Variants in RAB3GAP1 observed in about 807,000 individuals in gnomAD.
RAB3GAP1 encodes the protein RAB3 GTPase activating protein catalytic subunit 1.
Under a neutral mutation model 130.7 loss-of-function variants are expected in RAB3GAP1, and 86 were observed. The observed-to-expected ratio is 0.66, with a 90% CI of 0.55 to 0.79. The LOEUF is 0.79. Ranked by LOEUF, RAB3GAP1 falls within the 30% of genes least tolerant of loss-of-function variation. The probability of loss-of-function intolerance (pLI) is 0.00; values close to 1 mark genes in which losing one functional copy is unlikely to be tolerated. For synonymous variants in RAB3GAP1, 367 were observed against 401.7 expected, an observed-to-expected ratio of 0.91 and a Z score of 1.03; for missense variants, 1,029 against 1,169.4, an observed-to-expected ratio of 0.88 and a Z score of 1.75.
At chr2:135,054,781 C>T (rs1688966540) in intron 2 of RAB3GAP1, among the ~76,000 whole-genome samples, 1 of 152,148 alleles carries the variant, frequency 6.6e-6, no homozygotes, top group South Asian at 2.1e-4. Flanking sequence ...TAATTATTAA[C>T]ACCGTTATAA....
In RAB3GAP1 at chr2:135,126,177, T is replaced by C; in HGVS notation, c.831-4T>C. ...AGCTTTTGGGTATATTTTATGTTTTTTAGTGAACTCCATTTAGCTACTACA... is the reference window on the plus strand; with the variant it reads ...AGCTTTTGGGTATATTTTATGTTTTCTAGTGAACTCCATTTAGCTACTACA... On this transcript the variant is annotated splice_region_variant and splice_polypyrimidine_tract_variant and intron_variant, in intron 9 of 23. Coordinates refer to ENST00000264158, the MANE Select transcript of RAB3GAP1 (RefSeq NM_012233.3). 3 of 1,608,790 alleles carry C rather than the reference T, an allele frequency of 1.9e-6. No homozygotes were observed. Among genetic ancestry groups the C allele is most frequent in the Non-Finnish European group, 2.6e-6 (3 of 1,175,406 alleles).
At chr2:135,059,599 C>T (rs755482305) in intron 3 of RAB3GAP1, among the ~76,000 whole-genome samples, 45 of 151,916 alleles carry the variant, frequency 3.0e-4, no homozygotes, top group Non-Finnish European at 1.5e-4. Flanking sequence ...TACTTGGGAA[C>T]CCTTAAATAT....
chr2:135,073,828 C>G (rs2104845829), intron 3 of RAB3GAP1, among the ~76,000 whole-genome samples: 1 of 152,256 alleles, frequency 6.6e-6, no homozygotes, highest in Non-Finnish European at 1.5e-5. Flanking sequence ...CTTTAAAATG[C>G]AACCCAGGGG....
At chr2:135,131,482 G>A (rs1294102162) in intron 13 of RAB3GAP1, among the ~76,000 whole-genome samples, 2 of 152,034 alleles carry the variant, frequency 1.3e-5, no homozygotes, top group Non-Finnish European at 2.9e-5. Flanking sequence ...CGCCCGCCTC[G>A]GCCTCCCAAA....
chr2:135,055,833 T>C (rs1283166255), intron 2 of RAB3GAP1, among the ~76,000 whole-genome samples: 2 of 126,704 alleles, frequency 1.6e-5, no homozygotes, highest in Non-Finnish European at 3.0e-5. Context: ...TTTTGACATA[T>C]TTCCTTTTTT....
At chr2:135,053,021 C>CA (rs1688922343) in intron 2 of RAB3GAP1, among the ~76,000 whole-genome samples, 1 of 152,202 alleles carries the variant, frequency 6.6e-6, no homozygotes, top group African/African-American at 2.4e-5. Flanking sequence ...GACAGAGTCT[C>CA]AGTCTGTCCG....
At chr2:135,163,497 TC>T (rs1692530968) in intron 22 of RAB3GAP1, among the ~76,000 whole-genome samples, 1 of 152,216 alleles carries the variant, frequency 6.6e-6, no homozygotes, top group Non-Finnish European at 1.5e-5. Flanking sequence ...TGCTTACTGT[TC>T]CTAGTTGTTT....
At chr2:135,125,704 C>A (rs1691329387) in intron 9 of RAB3GAP1, among the ~76,000 whole-genome samples, 1 of 152,144 alleles carries the variant, frequency 6.6e-6, no homozygotes, top group African/African-American at 2.4e-5. Context: ...AGGGATGATT[C>A]ACCTAATGGG....
At position 135,126,196 on chromosome 2, in the gene RAB3GAP1, T is replaced by C. The variant is rs188770482; in HGVS notation, c.846T>C (p.Ala282=). The part of the protein sequence containing the change: ...CEDPISELHL[A]TTWPHLTEGI... Reference sequence around the variant, plus strand: ...TGTTTTTTAGTGAACTCCATTTAGCTACTACATGGCCTCATCTGACCGAAG... The same window carrying C: ...TGTTTTTTAGTGAACTCCATTTAGCCACTACATGGCCTCATCTGACCGAAG... The change falls in exon 10 of 24, where the codon GCT becomes GCC. Residue 282 remains alanine, a synonymous_variant. Coordinates refer to ENST00000264158, the MANE Select transcript of RAB3GAP1 (RefSeq NM_012233.3). 5.6e-5 allele frequency: 90 copies of C among 1,612,540 alleles called. No homozygotes were observed. The African/African-American group carries it at 1.1e-3, about 20-fold the overall frequency.
At chr2:135,143,621 G>A (rs1418634000) in intron 17 of RAB3GAP1, among the ~76,000 whole-genome samples, 9 of 148,348 alleles carry the variant, frequency 6.1e-5, no homozygotes, top group African/African-American at 1.0e-4. Context: ...GCAGTGGTGC[G>A]ATCTCGGCTC....
intron 3 of RAB3GAP1, among the ~76,000 whole-genome samples, chr2:135,075,800 T>A (rs1005885819): frequency 2.6e-5 from 4 of 152,134 alleles, no homozygotes; most frequent in African/African-American, 4.8e-5. Flanking sequence ...ACTTTTTTAT[T>A]TCATTGTGTG....
intron 11 of RAB3GAP1, among the ~76,000 whole-genome samples, chr2:135,127,012 A>G (rs1691368654): frequency 6.6e-6 from 1 of 151,704 alleles, no homozygotes; most frequent in African/African-American, 2.4e-5. Context: ...AGTAGCTGGG[A>G]CTACAGACGT....
chr2:135,163,153 C>G (rs750062845), intron 22 of RAB3GAP1, 52 bp downstream of exon 22: 1 of 1,243,144 alleles, frequency 8.0e-7, no homozygotes. Flanking sequence ...AAAGCCACCA[C>G]TCTCTTAAGA....
At position 135,091,054 on chromosome 2, in the gene RAB3GAP1, CTT is replaced by C; in HGVS notation, c.208_209del (p.Phe70GlnfsTer15). 6.2e-7 allele frequency: 1 copy of C among 1,609,848 alleles called. No individual in the cohort carries two copies. Among genetic ancestry groups the C allele is most frequent in the Non-Finnish European group, 8.5e-7 (1 of 1,176,380 alleles). On this transcript the variant is annotated frameshift_variant, in exon 4 of 24. Coordinates refer to ENST00000264158, the MANE Select transcript of RAB3GAP1 (RefSeq NM_012233.3). LOFTEE classifies it high-confidence loss of function. ...EKSDEISFAD[F>X]KFSVTHHYLV... ...AATCAGATGAAATTTCCTTTGCTGA[CTT>C]CAAGTTCTCAGTCACTCATCATTAT...
At chr2:135,122,392 ACT>A (rs1573571112) in intron 8 of RAB3GAP1, among the ~76,000 whole-genome samples, 1 of 151,982 alleles carries the variant, frequency 6.6e-6, no homozygotes, top group East Asian at 1.9e-4. Context: ...TTCCAAGGCT[ACT>A]CTCTTATAAA....
Position 135,168,755 on chromosome 2 carries a change from T to G in RAB3GAP1, c.2920T>G (p.Phe974Val). ...AGAGGACTTTAGACTTGCAGGTGCC[T>G]TTTCATCAGATACTTCCTTCTTCTG... is the stretch of plus-strand genomic sequence containing the variant. ...TKEDFRLAGA[F>V]SSDTSFF Residue 974 changes from phenylalanine to valine, a missense_variant, in exon 24 of 24, where the codon TTT (phenylalanine) becomes GTT (valine). Transcript: ENST00000264158. 1 of 1,613,636 alleles carries G rather than the reference T, an allele frequency of 6.2e-7. No individual in the cohort carries two copies. Among genetic ancestry groups the G allele is most frequent in the Non-Finnish European group, 8.5e-7 (1 of 1,179,528 alleles).
intron 3 of RAB3GAP1, among the ~76,000 whole-genome samples, chr2:135,084,915 G>T (rs995455135): frequency 2.6e-5 from 4 of 152,112 alleles, no homozygotes; most frequent in African/African-American, 9.7e-5. Flanking sequence ...ATAATCAAAG[G>T]CAGATTTTCT....
intron 9 of RAB3GAP1, among the ~76,000 whole-genome samples, chr2:135,125,429 G>A (rs570820537): frequency 2.0e-4 from 30 of 152,230 alleles, no homozygotes; most frequent in Non-Finnish European, 3.8e-4. Flanking sequence ...TATAAATTTG[G>A]CACAGTAAGA....
intron 3 of RAB3GAP1, among the ~76,000 whole-genome samples, chr2:135,072,114 T>C (rs943203363): frequency 1.7e-4 from 26 of 152,298 alleles, no homozygotes; most frequent in African/African-American, 6.0e-4. Flanking sequence ...TTTCACTGTG[T>C]TGACCAGGCT....
Sources: gnomAD v4.1 joint callset for allele counts (sites outside exome capture counted in the v4.1 genomes callset) on GRCh38, gnomAD v4.1.1 for gene constraint, MANE v1.5 for transcripts, NCBI Gene and HGNC (gene_info 2026-07-23, HGNC 2026-07-21) for gene names.